WDR7: variants seen among roughly 807,000 people sequenced by gnomAD.
WDR7 encodes WD repeat-containing protein 7.
Under a neutral mutation model 169.4 loss-of-function variants are expected in WDR7, and 46 were observed. The observed-to-expected ratio is 0.27, with a 90% CI of 0.21 to 0.35. The LOEUF is 0.35. Among genes scored for constraint, WDR7 ranks in the 10% least tolerant of loss-of-function variants. WDR7 has a pLI of 1.00. For missense variants in WDR7, 1,534 were observed against 1,859.3 expected, an observed-to-expected ratio of 0.83 and a Z score of 3.22; for synonymous variants, 612 against 666.8, an observed-to-expected ratio of 0.92 and a Z score of 1.27.
chr18:56,734,437 T>C (rs1007121215), intron 14 of WDR7, among the ~76,000 whole-genome samples: 2 of 151,500 alleles, frequency 1.3e-5, no homozygotes, highest in Non-Finnish European at 2.9e-5. Context: ...GCCTCCTCTT[T>C]CCAGTTGTGA....
intron 12 of WDR7, among the ~76,000 whole-genome samples, chr18:56,699,132 T>TGG (rs1183974400): frequency 1.3e-5 from 2 of 152,216 alleles, no homozygotes; most frequent in African/African-American, 4.8e-5. Flanking sequence ...ATTTTAGCTG[T>TGG]GGGGTAATTT....
chr18:56,785,827 T>TCTC (rs1241741404), intron 19 of WDR7, among the ~76,000 whole-genome samples: 47 of 138,566 alleles, frequency 3.4e-4, no homozygotes, highest in African/African-American at 9.8e-4. Context: ...TTTTTTTCTT[T>TCTC]TTCTTTTTTT....
At chr18:56,904,258 C>T (rs1300447057) in intron 21 of WDR7, among the ~76,000 whole-genome samples, 18 of 151,866 alleles carry the variant, frequency 1.2e-4, no homozygotes, top group Admixed American at 1.0e-3. Context: ...TTAATAGAGA[C>T]GAGGTTTCAC....
chr18:56,857,631 T>C (rs963538000), intron 20 of WDR7, among the ~76,000 whole-genome samples: 1 of 152,186 alleles, frequency 6.6e-6, no homozygotes, highest in African/African-American at 2.4e-5. Context: ...TGTAGTCTTA[T>C]ATACACACTC....
chr18:56,923,771 C>T lies in WDR7; in HGVS notation c.3527-151C>T, dbSNP rs529632882. The T allele has an allele frequency of 4.1e-5, 28 of 688,034 alleles. No individual in the cohort carries two copies. The South Asian group carries it at 5.6e-4, about 14-fold the overall frequency. 42.6% of individuals were successfully genotyped at this position (688,034 alleles called of 1,614,324 possible). A position where few individuals can be genotyped will look rare whatever the true frequency, so the allele number is the denominator to read the frequency against. On this transcript the variant is annotated intron_variant, in intron 21 of 27. Coordinates refer to ENST00000254442, the MANE Select transcript of WDR7 (RefSeq NM_015285.3). ...CTTCAAAGAATGTGGCTGAGCAAACCATTTATCCAAGATCTTGTGTAGTCT... is the reference window on the plus strand; with the variant it reads ...CTTCAAAGAATGTGGCTGAGCAAACTATTTATCCAAGATCTTGTGTAGTCT...
At chr18:56,758,171 G>A (rs1462430870) in intron 15 of WDR7, among the ~76,000 whole-genome samples, 2 of 151,996 alleles carry the variant, frequency 1.3e-5, no homozygotes, top group African/African-American at 4.8e-5. Context: ...GTCTTTTTAT[G>A]GAGACAACTT....
intron 21 of WDR7, among the ~76,000 whole-genome samples, chr18:56,902,900 A>T (rs1000710450): frequency 6.6e-6 from 1 of 152,190 alleles, no homozygotes; most frequent in African/African-American, 2.4e-5. Flanking sequence ...AGATTTTTTC[A>T]TTCTCTCAAA....
intron 20 of WDR7, among the ~76,000 whole-genome samples, chr18:56,868,845 G>C (rs1202474032): frequency 6.6e-6 from 1 of 152,094 alleles, no homozygotes; most frequent in Non-Finnish European, 1.5e-5. Context: ...AAAGTTAGAC[G>C]TTTTTGGAGA....
At chr18:56,830,907 A>T (rs757282362) in intron 20 of WDR7, among the ~76,000 whole-genome samples, 1 of 152,160 alleles carries the variant, frequency 6.6e-6, no homozygotes, top group Non-Finnish European at 1.5e-5. Context: ...GGGTTTCACC[A>T]TGTTGGTCAG....
chr18:56,810,028 A>C (rs1303936567), intron 19 of WDR7, among the ~76,000 whole-genome samples: 1 of 152,150 alleles, frequency 6.6e-6, no homozygotes, highest in African/African-American at 2.4e-5. Flanking sequence ...CGATCCATTA[A>C]CATAAGGTCC....
chr18:56,698,303 T>C (rs533917879), intron 12 of WDR7, among the ~76,000 whole-genome samples: 1 of 151,836 alleles, frequency 6.6e-6, no homozygotes, highest in Admixed American at 6.6e-5. Flanking sequence ...TTAAACAAAT[T>C]TCTTTTAAAA....
chr18:56,745,850 T>C (rs978525891), intron 14 of WDR7, among the ~76,000 whole-genome samples: 1 of 152,184 alleles, frequency 6.6e-6, no homozygotes, highest in Non-Finnish European at 1.5e-5. Flanking sequence ...TCATTTGCCC[T>C]CCTACTTTGA....
At chr18:56,984,371 A>G (rs1431113936) in intron 26 of WDR7, among the ~76,000 whole-genome samples, 1 of 152,226 alleles carries the variant, frequency 6.6e-6, no homozygotes, top group African/African-American at 2.4e-5. Context: ...AACCAATAGA[A>G]TACATTTAAA....
chr18:56,785,826 T>TTCTC lies in WDR7; in HGVS notation c.3190+4171_3190+4172insCTCT, dbSNP rs1317025187. Among the ~76,000 whole-genome samples the TTCTC allele has an allele frequency of 1.7e-4, 24 of 139,684 alleles. 1 individual carries two copies. The highest frequency in any genetic ancestry group is 6.5e-4 in the African/African-American group (24 of 36,888). 91.6% of individuals were successfully genotyped at this position (139,684 alleles called of 152,430 possible). A position where few individuals can be genotyped will look rare whatever the true frequency, so the allele number is the denominator to read the frequency against. Reference sequence around the variant, plus strand: ...GCTTTTCTCAGGATTCTTTTTTTCTTTTTCTTTTTTTTTTTTTTTTAAAGA... The same window carrying TTCTC: ...GCTTTTCTCAGGATTCTTTTTTTCTTTCTCTTTCTTTTTTTTTTTTTTTTAAAGA... On this transcript the variant is annotated intron_variant, in intron 19 of 27. Transcript: ENST00000254442.
At chr18:56,996,653 GT>G (rs33929491) in intron 26 of WDR7, among the ~76,000 whole-genome samples, 3,536 of 152,236 alleles carry the variant, frequency 0.023, 142 homozygotes, top group African/African-American at 0.08. Flanking sequence ...CTTTGAGGCA[GT>G]TAGTCTAATA....
rs565649880 is a variant in WDR7 at position 56,970,748 on chromosome 18, G to T, written c.4164+8219G>T. The stretch of plus-strand genomic sequence containing the variant: ...TGGGTGTGGGCAAATATATAATGAC[G>T]TGTATTCACCCATTATTGTATCATC... On this transcript the variant is annotated intron_variant, in intron 26 of 27. Coordinates refer to ENST00000254442, the MANE Select transcript of WDR7 (RefSeq NM_015285.3). Among the ~76,000 whole-genome samples, 11 of 152,114 alleles carry T rather than the reference G, an allele frequency of 7.2e-5. No homozygotes were observed. The South Asian group carries it at 1.2e-3, about 17-fold the overall frequency.
intron 19 of WDR7, among the ~76,000 whole-genome samples, chr18:56,799,684 A>G (rs2044641217): frequency 6.6e-6 from 1 of 152,226 alleles, no homozygotes; most frequent in South Asian, 2.1e-4. Context: ...TGCTAGCCTG[A>G]TAACATGTGG....
rs1004116665 is a variant in WDR7 at position 56,938,786 on chromosome 18, G to A, written c.3981+104G>A. ...TATTTCCAGCATCTCTAAAAGAGAT[G>A]AAGGGTGAGAGAGAAAGAATGAGTG... On this transcript the variant is annotated intron_variant, in intron 24 of 27. Coordinates refer to ENST00000254442, the MANE Select transcript of WDR7 (RefSeq NM_015285.3). The A allele has an allele frequency of 8.4e-6, 11 of 1,305,732 alleles. No homozygotes were observed. The Admixed American group carries it at 1.1e-4, about 13-fold the overall frequency. 80.9% of individuals were successfully genotyped at this position (1,305,732 alleles called of 1,614,324 possible).
chr18:56,974,581 A>G (rs1447467940), intron 26 of WDR7, among the ~76,000 whole-genome samples: 1 of 152,116 alleles, frequency 6.6e-6, no homozygotes, highest in African/African-American at 2.4e-5. Flanking sequence ...AGTGAGTGGA[A>G]TTATCAGAGA....
Sources: allele counts gnomAD v4.1 joint callset (sites outside exome capture counted in the v4.1 genomes callset), GRCh38; gene constraint gnomAD v4.1.1; transcripts MANE v1.5; gene names NCBI Gene and HGNC (gene_info 2026-07-23, HGNC 2026-07-21).